FURIN: variants seen among roughly 807,000 people sequenced by gnomAD.
The protein encoded by FURIN is FES upstream region.
FURIN carries 18 observed loss-of-function variants against 89.2 expected under a neutral mutation model. The ratio of observed to expected loss-of-function variants is 0.20; its 90% CI spans 0.14 to 0.30. The LOEUF (loss-of-function observed/expected upper bound fraction) is 0.30, where lower values mean the gene tolerates loss of function less well. FURIN is among the 10% of genes least tolerant of loss of function. FURIN has a pLI of 1.00. For missense variants in FURIN, 879 were observed against 1,100.5 expected (o/e 0.80, Z 2.85); for synonymous variants, 508 against 466.4 (o/e 1.09, Z -1.15).
rs114310941 is a variant in FURIN, at chr15:90,878,417, A to G, written c.840+113A>G. The G allele has an allele frequency of 3.2e-4, 298 of 920,806 alleles. No individual in the cohort carries two copies. In the African/African-American group the frequency reaches 3.8e-3, roughly 12 times the overall value. 57.0% of individuals were successfully genotyped at this position (920,806 alleles called of 1,614,324 possible). A position where few individuals can be genotyped will look rare whatever the true frequency, so the allele number is the denominator to read the frequency against. On this transcript the variant is annotated intron_variant, in intron 8 of 15. Coordinates refer to ENST00000268171, the MANE Select transcript of FURIN (RefSeq NM_002569.4). ...TCTCATGTTTAACTTTACACAAAGC[A>G]TGTTTATTGAAACATTAAGGGACAG...
At position 90,881,571 on chromosome 15, in the gene FURIN, G is replaced by A. The variant is rs755544622; in HGVS notation, c.2078G>A (p.Arg693Gln). Reference protein sequence around the residue: ...RESPPQQQPPRLPPEVEAGQR... With the variant: ...RESPPQQQPPQLPPEVEAGQR... ...TCCCCGCCACAGCAGCAGCCACCTC[G>A]GCTGCCCCCGGAGGTGGAGGCGGGG... The change falls in exon 16 of 16, where the codon CGG becomes CAG. Residue 693 changes from arginine to glutamine, a missense_variant. Transcript: ENST00000268171. This position sits in a 1 kb window ranked among gnomAD's most constrained non-coding sequence, Gnocchi z 4.3. 9.0e-5 allele frequency: 145 copies of A among 1,611,536 alleles called. No homozygotes were observed. In the Admixed American group the frequency reaches 2.2e-3, roughly 25 times the overall value.
At chr15:90,880,659 G>A in intron 13 of FURIN, 32 bp from the exon 14 acceptor site, 2 of 1,588,844 alleles carry the variant, frequency 1.3e-6, no homozygotes, top group Non-Finnish European at 1.7e-6. Context: ...GTCCCGCAGA[G>A]GCCTCAGGGC....
At chr15:90,872,023 C>T (rs1381825498) in intron 1 of FURIN, among the ~76,000 whole-genome samples, 3 of 151,392 alleles carry the variant, frequency 2.0e-5, no homozygotes, top group Non-Finnish European at 4.4e-5. Context: ...CCGCAGGCGC[C>T]GGGTGCTCCA....
Position 90,878,120 on chromosome 15 carries a change from C to A in FURIN, c.668-12C>A, listed in dbSNP as rs555199914. On this transcript the variant is annotated splice_polypyrimidine_tract_variant and intron_variant, in intron 7 of 15. Coordinates refer to ENST00000268171, the MANE Select transcript of FURIN (RefSeq NM_002569.4). ...TGCAGCATCCCTCTTCGTGCCCCCC[C>A]TTCACGGCCAGGGGTGCGCATGCTG... 1 of 1,613,572 alleles carries A rather than the reference C, an allele frequency of 6.2e-7. No individual in the cohort carries two copies.
intron 1 of FURIN, among the ~76,000 whole-genome samples, chr15:90,875,281 CG>C (rs1456999977): frequency 2.0e-5 from 3 of 152,020 alleles, no homozygotes; most frequent in Non-Finnish European, 4.4e-5. Context: ...GTGATCCACC[CG>C]CCTCAGCCTC....
At position 90,882,756 on chromosome 15, in the gene FURIN, C is replaced by G. The variant is rs1180378580; in HGVS notation, c.*878C>G. 6.5e-6 allele frequency: 1 copy of G among 152,700 alleles called. No individual in the cohort carries two copies. Among genetic ancestry groups the G allele is most frequent in the Non-Finnish European group, 1.5e-5 (1 of 68,058 alleles). 9.5% of individuals were successfully genotyped at this position (152,700 alleles called of 1,614,324 possible). A position where few individuals can be genotyped will look rare whatever the true frequency, so the allele number is the denominator to read the frequency against. On this transcript the variant is annotated 3_prime_UTR_variant, in exon 16 of 16. Coordinates refer to ENST00000268171, the MANE Select transcript of FURIN (RefSeq NM_002569.4). ...CAGGGGCTGTTTGAGGATATATTTT[C>G]ACTTTGTGATTATTTCACTTTAGAT... is the stretch of plus-strand genomic sequence containing the variant.
At chr15:90,871,450 GGCCCCGCAGGGCC>G (rs1420674982) in intron 1 of FURIN, 1 of 22,148 alleles carries the variant, frequency 4.5e-5, no homozygotes, top group East Asian at 1.1e-3. Flanking sequence ...CGCCCCAGAA[GGCCCCGCAGGGCC>G]GCCGCGCGGG....
chr15:90,873,779 C>T (rs773881273), intron 1 of FURIN, among the ~76,000 whole-genome samples: 10 of 152,262 alleles, frequency 6.6e-5, no homozygotes, highest in Middle Eastern at 3.4e-3. Context: ...GGAGTCTGCC[C>T]GCAGGGATGT....
At chr15:90,871,745 A>AGGGTC (rs1393602435) in intron 1 of FURIN, 1 of 145,872 alleles carries the variant, frequency 6.9e-6, no homozygotes, top group African/African-American at 2.5e-5. Context: ...CGGGCCGGGG[A>AGGGTC]GGGTCGGGGC....
At position 90,875,739 on chromosome 15, in the gene FURIN, C is replaced by T. The variant is rs1291704916; in HGVS notation, c.-2C>T. The T allele has an allele frequency of 6.5e-7, 1 of 1,539,192 alleles. No individual in the cohort carries two copies. Among genetic ancestry groups the T allele is most frequent in the South Asian group, 1.2e-5 (1 of 82,344 alleles). ...CCAGGGTCCCAGCCACCTGTCCCCC[C>T]CATGGAGCTGAGGCCCTGGTTGCTA... On this transcript the variant is annotated 5_prime_UTR_variant, in exon 2 of 16. Coordinates refer to ENST00000268171, the MANE Select transcript of FURIN (RefSeq NM_002569.4).
At position 90,876,848 on chromosome 15, in the gene FURIN, C is replaced by T. The variant is rs1457327501; in HGVS notation, c.373-48C>T. On this transcript the variant is annotated intron_variant, in intron 4 of 15. Transcript: ENST00000268171. The surrounding 1 kb of genome is among the most constrained non-coding windows in gnomAD (Gnocchi z 5.0). ...GGATTCTTCAAGATGCTCCTAGCCT[C>T]ACAAAACCAATCATGTCTCATAAGT... 1 of 1,605,132 alleles carries T rather than the reference C, an allele frequency of 6.2e-7. No homozygotes were observed.
chr15:90,874,730 C>G (rs941806780), intron 1 of FURIN, among the ~76,000 whole-genome samples: 1 of 152,128 alleles, frequency 6.6e-6, no homozygotes, highest in Non-Finnish European at 1.5e-5. Flanking sequence ...TAAAACATAC[C>G]TAGGTGATTT....
At chr15:90,880,049 G>T (rs1413097514) in intron 12 of FURIN, 45 bp from the exon 13 acceptor site, 4 of 1,605,304 alleles carry the variant, frequency 2.5e-6, no homozygotes, top group Non-Finnish European at 1.7e-6. Context: ...GGTGCCCGCT[G>T]GTCCCTCTGG....
At chr15:90,878,684 C>T (rs1416192875) in intron 8 of FURIN, 80 bp from the exon 9 acceptor site, 3 of 812,582 alleles carry the variant, frequency 3.7e-6, no homozygotes, top group Non-Finnish European at 6.1e-6. Context: ...CTCCAGCCTT[C>T]CCAGTTTTCC....
In FURIN at chr15:90,875,610, T is replaced by C; in HGVS notation, c.-131T>C. The C allele has an allele frequency of 1.4e-6, 1 of 739,068 alleles. No homozygotes were observed. The highest frequency in any genetic ancestry group is 1.9e-5 in the South Asian group (1 of 51,844). 45.8% of individuals were successfully genotyped at this position (739,068 alleles called of 1,614,324 possible). On this transcript the variant is annotated 5_prime_UTR_variant, in exon 2 of 16. Transcript: ENST00000268171. ...CGGCACTCTTCACCCTCCCGAGCCC[T>C]GCCCGTCTCGGCCCCATGCCCCCAC...
Position 90,876,619 on chromosome 15 carries a change from C to A in FURIN, c.372+62C>A. The A allele has an allele frequency of 9.1e-7, 1 of 1,104,514 alleles. No individual in the cohort carries two copies. Among genetic ancestry groups the A allele is most frequent in the Non-Finnish European group, 1.4e-6 (1 of 723,102 alleles). 68.4% of individuals were successfully genotyped at this position (1,104,514 alleles called of 1,614,324 possible). A position where few individuals can be genotyped will look rare whatever the true frequency, so the allele number is the denominator to read the frequency against. ...AGATGCACCATCCACCCACTATGAG[C>A]TCTTGGATGGAGGAGGCTGTCTTCG... On this transcript the variant is annotated intron_variant, in intron 4 of 15. Transcript: ENST00000268171. The surrounding 1 kb of genome is among the most constrained non-coding windows in gnomAD (Gnocchi z 5.0).
chr15:90,879,586 ACT>A lies in FURIN; in HGVS notation c.1154+47_1154+48del, dbSNP rs774686683. Reference sequence around the variant, plus strand: ...CAGCGGCAACCCTGTCCCTACCAGCACTCTCTGTAGGGCAGCCCTTAGGGCAG... The same window carrying A: ...CAGCGGCAACCCTGTCCCTACCAGCACTCTGTAGGGCAGCCCTTAGGGCAG... On this transcript the variant is annotated intron_variant, in intron 10 of 15. Coordinates refer to ENST00000268171, the MANE Select transcript of FURIN (RefSeq NM_002569.4). 5 of 1,563,834 alleles carry A rather than the reference ACT, an allele frequency of 3.2e-6. No homozygotes were observed. In the South Asian group the frequency reaches 4.4e-5, roughly 14 times the overall value.
intron 13 of FURIN, 32 bp downstream of exon 13, chr15:90,880,305 G>GCGC (rs746805915): frequency 9.0e-6 from 14 of 1,552,512 alleles, no homozygotes; most frequent in African/African-American, 1.4e-5. Context: ...GCCCTGCCCA[G>GCGC]CGCCGCCGCC....
chr15:90,879,631 A>C (rs780168133), intron 10 of FURIN, 40 bp from the exon 11 acceptor site: 1 of 1,591,284 alleles, frequency 6.3e-7, no homozygotes, highest in Non-Finnish European at 8.6e-7. Context: ...GCTGCTCCCA[A>C]AAAAGACTGA....
Sources: gnomAD v4.1 joint callset for allele counts (sites outside exome capture counted in the v4.1 genomes callset) on GRCh38, gnomAD v4.1.1 for gene constraint, Gnocchi (gnomAD v3.1) non-coding constraint, MANE v1.5 for transcripts, NCBI Gene and HGNC (gene_info 2026-07-23, HGNC 2026-07-21) for gene names.